DZIP3: variants seen among roughly 807,000 people sequenced by gnomAD.
DZIP3 encodes DAZ interacting zinc finger protein 3.
A neutral mutation model predicts 162.0 loss-of-function variants in DZIP3; 118 were observed. That is an observed-to-expected ratio of 0.73 (90% CI 0.63 to 0.85). The LOEUF is 0.85. Ranked by LOEUF, DZIP3 falls within the 40% of genes least tolerant of loss-of-function variation. The pLI, the probability that DZIP3 is intolerant of heterozygous loss-of-function variation, is 0.00. For synonymous variants in DZIP3, 438 were observed against 458.6 expected (o/e 0.96, Z 0.57); for missense variants, 1,331 against 1,407.0 (o/e 0.95, Z 0.86).
At chr3:108,648,786 A>T (rs1942738409) in intron 16 of DZIP3, 132 bp from the exon 17 acceptor site, 1 of 413,530 alleles carries the variant, frequency 2.4e-6, no homozygotes, top group Admixed American at 4.9e-5. Flanking sequence ...AATTGTTTCC[A>T]TAGAATCTAG....
chr3:108,594,475 G>C (rs1196525194), intron 1 of DZIP3, among the ~76,000 whole-genome samples: 2 of 129,846 alleles, frequency 1.5e-5, no homozygotes, highest in Non-Finnish European at 3.1e-5. Context: ...TGGGGTACAT[G>C]TGCAGGTTTG....
At chr3:108,676,119 TTCC>T (rs111646572) in intron 25 of DZIP3, among the ~76,000 whole-genome samples, 6,372 of 152,100 alleles carry the variant, frequency 0.042, 478 homozygotes, top group African/African-American at 0.15. Flanking sequence ...ACACCTAGCT[TTCC>T]TAGAATTTCA....
intron 19 of DZIP3, among the ~76,000 whole-genome samples, chr3:108,661,386 C>CA (rs1559767192): frequency 6.6e-6 from 1 of 151,808 alleles, no homozygotes; most frequent in African/African-American, 2.4e-5. Flanking sequence ...ATCGCAAGGA[C>CA]AAAAAACGAA....
chr3:108,689,371 T>C (rs1944609677), intron 31 of DZIP3, among the ~76,000 whole-genome samples: 1 of 152,202 alleles, frequency 6.6e-6, no homozygotes, highest in Non-Finnish European at 1.5e-5. Context: ...TTTTGAAAGA[T>C]ACTCAGGCTT....
intron 5 of DZIP3, among the ~76,000 whole-genome samples, chr3:108,619,375 A>G (rs1941209673): frequency 6.6e-6 from 1 of 152,022 alleles, no homozygotes; most frequent in Non-Finnish European, 1.5e-5. Context: ...ACATATACAT[A>G]TACATGATTA....
At chr3:108,668,819 A>G (rs1172550455) in intron 21 of DZIP3, among the ~76,000 whole-genome samples, 2 of 151,960 alleles carry the variant, frequency 1.3e-5, no homozygotes, top group Admixed American at 6.6e-5. Flanking sequence ...ATCCAACATT[A>G]AAGTCGTCAT....
intron 21 of DZIP3, 108 bp downstream of exon 21, chr3:108,662,365 A>T: frequency 1.5e-6 from 2 of 1,317,766 alleles, no homozygotes; most frequent in Non-Finnish European, 2.0e-6. Context: ...ACACATTAGG[A>T]ACCTCAACCA....
At chr3:108,661,665 C>T (rs906440745) in intron 19 of DZIP3, among the ~76,000 whole-genome samples, 11 of 151,852 alleles carry the variant, frequency 7.2e-5, no homozygotes, top group East Asian at 3.9e-4. Context: ...GTAAGCATGC[C>T]GGTAGTGGTA....
chr3:108,679,653 T>A (rs371544226), intron 26 of DZIP3, among the ~76,000 whole-genome samples: 3 of 152,108 alleles, frequency 2.0e-5, no homozygotes, highest in African/African-American at 7.2e-5. Context: ...ACAATGGAAG[T>A]ACACTAATGA....
chr3:108,635,235 G>A (rs1942083306), intron 10 of DZIP3: 2 of 258,748 alleles, frequency 7.7e-6, no homozygotes, highest in Non-Finnish European at 1.5e-5. Context: ...TTGCTTAGTG[G>A]TTTCTATCAA....
At chr3:108,671,111 C>T (rs2107346739) in intron 22 of DZIP3, among the ~76,000 whole-genome samples, 1 of 151,950 alleles carries the variant, frequency 6.6e-6, no homozygotes, top group South Asian at 2.1e-4. Context: ...AAGCACAAAA[C>T]TTAATTTGAT....
At position 108,662,146 on chromosome 3, in the gene DZIP3, TGAG is replaced by T. The variant is rs1943468177; in HGVS notation, c.2313_2315del (p.Arg772del). On this transcript the variant is annotated inframe_deletion, in exon 21 of 33. Transcript: ENST00000361582. ...ATTGATCAGGATTTCAAAAGACAGT[TGAG>T]AACAGTGACTTTTCGGTGGCAAGAA... 6.2e-7 allele frequency: 1 copy of T among 1,604,162 alleles called. No homozygotes were observed. Among genetic ancestry groups the T allele is most frequent in the Admixed American group, 1.7e-5 (1 of 57,222 alleles).
intron 21 of DZIP3, among the ~76,000 whole-genome samples, chr3:108,662,713 CTCTT>C (rs1283674881): frequency 6.6e-5 from 10 of 152,310 alleles, no homozygotes; most frequent in African/African-American, 1.7e-4. Flanking sequence ...CTGGGAGAGA[CTCTT>C]TCCCCCCTTA....
chr3:108,649,272 T>C (rs1011636474), intron 17 of DZIP3, among the ~76,000 whole-genome samples: 10 of 151,940 alleles, frequency 6.6e-5, no homozygotes, highest in African/African-American at 2.4e-4. Context: ...TGCGTACTCA[T>C]TGTTTTAAGA....
intron 31 of DZIP3, among the ~76,000 whole-genome samples, chr3:108,689,565 T>C (rs1387263195): frequency 6.6e-6 from 1 of 152,076 alleles, no homozygotes; most frequent in Non-Finnish European, 1.5e-5. Context: ...CGGGTGCCTG[T>C]AGTCCCAGCT....
chr3:108,625,153 G>C (rs1447007508), intron 6 of DZIP3, among the ~76,000 whole-genome samples: 1 of 152,064 alleles, frequency 6.6e-6, no homozygotes, highest in African/African-American at 2.4e-5. Flanking sequence ...CATTTTTCCA[G>C]CTTTTTTTTT....
intron 1 of DZIP3, among the ~76,000 whole-genome samples, chr3:108,598,984 ATACTATAGGTT>A (rs1939852161): frequency 6.6e-6 from 1 of 152,234 alleles, no homozygotes; most frequent in Non-Finnish European, 1.5e-5. Context: ...ATTAATATGT[ATACTATAGGTT>A]TACCTGTGTA....
chr3:108,601,968 A>C (rs1940044705), intron 1 of DZIP3, among the ~76,000 whole-genome samples: 1 of 152,142 alleles, frequency 6.6e-6, no homozygotes, highest in African/African-American at 2.4e-5. Flanking sequence ...TTTGAGATTG[A>C]GCTTCATCTC....
intron 1 of DZIP3, among the ~76,000 whole-genome samples, chr3:108,596,982 C>T (rs1418949991): frequency 1.3e-5 from 2 of 152,074 alleles, no homozygotes; most frequent in Non-Finnish European, 2.9e-5. Flanking sequence ...TAACCATGTG[C>T]CCAATATAGC....
Sources: allele counts gnomAD v4.1 joint callset (sites outside exome capture counted in the v4.1 genomes callset), GRCh38; gene constraint gnomAD v4.1.1; transcripts MANE v1.5; gene names NCBI Gene and HGNC (gene_info 2026-07-23, HGNC 2026-07-21).